ZBTB20: variants seen among roughly 807,000 people sequenced by gnomAD.
ZBTB20 encodes the protein zinc finger and BTB domain containing 20.
In ZBTB20, 9 loss-of-function variants were observed where a neutral mutation model predicts 56.9. The ratio of observed to expected loss-of-function variants is 0.16; its 90% CI spans 0.10 to 0.28. The LOEUF is 0.28. ZBTB20 is among the 10% of genes least tolerant of loss of function. The probability of loss-of-function intolerance (pLI) is 1.00; values close to 1 mark genes in which losing one functional copy is unlikely to be tolerated. For missense variants in ZBTB20, 655 were observed against 1,003.0 expected (o/e 0.65, Z 4.69); for synonymous variants, 417 against 420.7 (o/e 0.99, Z 0.11).
At chr3:115,135,533 C>T (rs11715056) in intron 1 of ZBTB20, among the ~76,000 whole-genome samples, 4,931 of 152,220 alleles carry the variant, frequency 0.032, 122 homozygotes, top group Middle Eastern at 0.1. Flanking sequence ...TTAATTATTC[C>T]AGGACTTAAT....
intron 7 of ZBTB20, among the ~76,000 whole-genome samples, chr3:114,474,930 T>C (rs1472696057): frequency 6.6e-6 from 1 of 152,150 alleles, no homozygotes; most frequent in Non-Finnish European, 1.5e-5. Context: ...TCCATTTTAC[T>C]CACTGTTGCC....
At chr3:115,146,019 C>T (rs1374141916) in intron 1 of ZBTB20, among the ~76,000 whole-genome samples, 1 of 152,068 alleles carries the variant, frequency 6.6e-6, no homozygotes, top group African/African-American at 2.4e-5. Context: ...ATAGAAAAAA[C>T]AGTGGAGAAG....
At chr3:114,878,948 G>A (rs1042344433) in intron 4 of ZBTB20, among the ~76,000 whole-genome samples, 7 of 152,138 alleles carry the variant, frequency 4.6e-5, no homozygotes, top group Non-Finnish European at 1.5e-5. Flanking sequence ...CAGGACATAA[G>A]GGCAAACTGA....
intron 6 of ZBTB20, among the ~76,000 whole-genome samples, chr3:114,609,921 T>C (rs1258944927): frequency 6.6e-6 from 1 of 152,164 alleles, no homozygotes; most frequent in Non-Finnish European, 1.5e-5. Flanking sequence ...ACAAGAAAAT[T>C]AGCAGTCAAC....
At chr3:115,070,198 C>A (rs1007231817) in intron 2 of ZBTB20, among the ~76,000 whole-genome samples, 7 of 152,114 alleles carry the variant, frequency 4.6e-5, no homozygotes, top group Admixed American at 2.0e-4. Flanking sequence ...TTCACCCCTA[C>A]CTCAGGCAAT....
chr3:114,793,382 T>A (rs2108814427), intron 5 of ZBTB20, among the ~76,000 whole-genome samples: 1 of 152,258 alleles, frequency 6.6e-6, no homozygotes, highest in Non-Finnish European at 1.5e-5. Flanking sequence ...TCAAAGGTTT[T>A]TTTCAGTAGA....
At chr3:115,025,224 C>T (rs2080371908) in intron 2 of ZBTB20, among the ~76,000 whole-genome samples, 1 of 151,342 alleles carries the variant, frequency 6.6e-6, no homozygotes, top group Non-Finnish European at 1.5e-5. Flanking sequence ...TGTTAGTTCG[C>T]TAAGGCTAAC....
chr3:114,461,276 A>G (rs2092315349), intron 7 of ZBTB20, among the ~76,000 whole-genome samples: 1 of 151,160 alleles, frequency 6.6e-6, no homozygotes, highest in African/African-American at 2.4e-5. Context: ...CTTAGGCAAA[A>G]AACAAACAAA....
rs1478909966 is a variant in ZBTB20, at chr3:114,769,699, G to C, written c.-343+31402C>G. On this transcript the variant is annotated intron_variant, in intron 5 of 11. Coordinates refer to ENST00000675478, the MANE Select transcript of ZBTB20 (RefSeq NM_001348800.3). ...TTCTAAGTGAAGTAACTCCAGAATGGAAAACCAAAAATTGTATGTTCTCCT... is the reference window on the plus strand; with the variant it reads ...TTCTAAGTGAAGTAACTCCAGAATGCAAAACCAAAAATTGTATGTTCTCCT... 1.9e-4 allele frequency among the ~76,000 whole-genome samples: 29 copies of C among 151,504 alleles called. No individual in the cohort carries two copies. The East Asian group carries it at 5.6e-3, about 29-fold the overall frequency.
In ZBTB20 at chr3:114,791,332, T is replaced by G. The variant is rs141877747; in HGVS notation, c.-343+9769A>C. 5.9e-3 allele frequency among the ~76,000 whole-genome samples: 893 copies of G among 152,268 alleles called. 1 individual carries two copies. Among genetic ancestry groups the G allele is most frequent in the Non-Finnish European group, 7.6e-3 (516 of 68,018 alleles). ...TTAGCTTGATATAATCAGTTTTTAT[T>G]TAAAAATGAGAGCTTTCCATGCAAA... On this transcript the variant is annotated intron_variant, in intron 5 of 11. Coordinates refer to ENST00000675478, the MANE Select transcript of ZBTB20 (RefSeq NM_001348800.3).
chr3:114,786,467 A>T (rs1369402804), intron 5 of ZBTB20, among the ~76,000 whole-genome samples: 1 of 152,098 alleles, frequency 6.6e-6, no homozygotes, highest in Non-Finnish European at 1.5e-5. Flanking sequence ...TTCCACATAA[A>T]AGTGAAATCA....
chr3:114,458,908 G>T (rs1275903035), intron 7 of ZBTB20, among the ~76,000 whole-genome samples: 11 of 152,194 alleles, frequency 7.2e-5, no homozygotes, highest in Non-Finnish European at 5.9e-5. Context: ...TTATACTAAA[G>T]AAACACTCCC....
chr3:114,577,171 C>T (rs1051110004), intron 6 of ZBTB20, among the ~76,000 whole-genome samples: 1 of 151,794 alleles, frequency 6.6e-6, no homozygotes, highest in African/African-American at 2.4e-5. Context: ...ATATGTAATG[C>T]TTAGTGACCA....
At chr3:114,492,906 T>C (rs2042898325) in intron 7 of ZBTB20, among the ~76,000 whole-genome samples, 1 of 152,176 alleles carries the variant, frequency 6.6e-6, no homozygotes, top group African/African-American at 2.4e-5. Flanking sequence ...TGTGAGTGTA[T>C]ATTTAGTTCT....
intron 4 of ZBTB20, among the ~76,000 whole-genome samples, chr3:114,865,771 G>A (rs2075740755): frequency 1.3e-5 from 2 of 152,138 alleles, no homozygotes; most frequent in South Asian, 4.1e-4. Context: ...GAAATCTTGT[G>A]TCTTAAATTA....
At chr3:114,791,649 A>G (rs2070964518) in intron 5 of ZBTB20, 5 of 152,186 alleles carry the variant, frequency 3.3e-5, no homozygotes, top group Admixed American at 3.3e-4. Context: ...TTAAAATATC[A>G]AGTAATGTAA....
At chr3:114,908,328 G>A (rs568517532) in intron 3 of ZBTB20, among the ~76,000 whole-genome samples, 1 of 152,098 alleles carries the variant, frequency 6.6e-6, no homozygotes, top group South Asian at 2.1e-4. Flanking sequence ...AAGGAACTTA[G>A]AAATCAAGAA....
At chr3:115,092,083 G>T (rs570493422) in intron 1 of ZBTB20, among the ~76,000 whole-genome samples, 5 of 152,158 alleles carry the variant, frequency 3.3e-5, no homozygotes, top group Non-Finnish European at 2.9e-5. Flanking sequence ...AATTGTTAAA[G>T]AATTTTTTAT....
At chr3:114,918,973 T>G (rs1414089404) in intron 3 of ZBTB20, among the ~76,000 whole-genome samples, 1 of 152,190 alleles carries the variant, frequency 6.6e-6, no homozygotes, top group Admixed American at 6.5e-5. Context: ...CAGACTGCCT[T>G]AAAGTTTATT....
Sources: gnomAD v4.1 joint callset for allele counts (sites outside exome capture counted in the v4.1 genomes callset) on GRCh38, gnomAD v4.1.1 for gene constraint, MANE v1.5 for transcripts, NCBI Gene and HGNC (gene_info 2026-07-23, HGNC 2026-07-21) for gene names.